The following MBNL3 variants were observed in gnomAD, a reference collection of about 807,000 sequenced individuals.
The protein encoded by MBNL3 is muscleblind like splicing regulator 3.
A neutral mutation model predicts 24.5 loss-of-function variants in MBNL3; 6 were observed. That is an observed-to-expected ratio of 0.25 (90% CI 0.13 to 0.48). The LOEUF (loss-of-function observed/expected upper bound fraction) is 0.48. Among genes scored for constraint, MBNL3 ranks in the 20% least tolerant of loss-of-function variants. MBNL3 has a pLI of 0.99. For missense variants in MBNL3, 230 were observed against 293.5 expected, an observed-to-expected ratio of 0.78 and a Z score of 1.58; for synonymous variants, 100 against 101.7, an observed-to-expected ratio of 0.98 and a Z score of 0.10.
At chrX:132,461,275 C>G (rs1360015800) in intron 1 of MBNL3, among the ~76,000 whole-genome samples, 1 of 111,234 alleles carries the variant, frequency 9.0e-6, no homozygotes, top group African/African-American at 3.3e-5. Flanking sequence ...AGTGAAGAGC[C>G]TTCTCACAGC....
intron 7 of MBNL3, among the ~76,000 whole-genome samples, chrX:132,382,764 G>A (rs940689313): frequency 8.9e-6 from 1 of 112,017 alleles, no homozygotes; most frequent in Non-Finnish European, 1.9e-5. Context: ...ATTTGCAGGT[G>A]CAAACAGGCA....
chrX:132,390,362 A>C (rs189058329), intron 5 of MBNL3, among the ~76,000 whole-genome samples: 35 of 108,617 alleles, frequency 3.2e-4, no homozygotes, highest in African/African-American at 1.2e-3. Flanking sequence ...TGTCCTTGAT[A>C]CTATGCCTCT....
intron 2 of MBNL3, among the ~76,000 whole-genome samples, chrX:132,412,188 T>G (rs1450207711): frequency 9.0e-6 from 1 of 111,224 alleles, no homozygotes; most frequent in Non-Finnish European, 1.9e-5. Context: ...CATGAATCCA[T>G]GAGACCCAGA....
chrX:132,386,896 C>G (rs947912988), intron 5 of MBNL3, 85 bp from the exon 6 acceptor site: 1 of 1,051,801 alleles, frequency 9.5e-7, no homozygotes, highest in South Asian at 2.0e-5. Context: ...AAGGTATTTC[C>G]TGGGAATCCT....
upstream of MBNL3, among the ~76,000 whole-genome samples, chrX:132,489,333 A>AG (rs1157732328): frequency 1.8e-5 from 2 of 111,011 alleles, no homozygotes; most frequent in African/African-American, 6.6e-5. Flanking sequence ...CTGTGGGAGG[A>AG]GGGGACAAGG....
chrX:132,424,449 A>G (rs1296542069), intron 2 of MBNL3, among the ~76,000 whole-genome samples: 1 of 111,457 alleles, frequency 9.0e-6, no homozygotes, highest in Non-Finnish European at 1.9e-5. Flanking sequence ...AATGAGGAAG[A>G]GCAAGTTCCA....
At chrX:132,386,577 T>C (rs1213904325) in intron 6 of MBNL3, 84 bp downstream of exon 6, 2 of 1,082,714 alleles carry the variant, frequency 1.8e-6, no homozygotes, top group African/African-American at 3.6e-5. Flanking sequence ...AGTCCTCCTA[T>C]ACAAGCTCTT....
intron 2 of MBNL3, chrX:132,411,463 C>T (rs1942728697): frequency 2.7e-6 from 2 of 740,719 alleles, no homozygotes; most frequent in Admixed American, 8.9e-5. Context: ...AGGGCTGAAT[C>T]GGATTGTAGG....
rs1025514536 is a variant in MBNL3, at chrX:132,372,244, A to C, written c.*7422T>G. On this transcript the variant is annotated 3_prime_UTR_variant, in exon 9 of 9. Transcript: ENST00000370853. Reference sequence around the variant, plus strand: ...TTTAAATATGTTACACATGGCTAATAATTTTCTTATATATATTTTTAATCG... The same window carrying C: ...TTTAAATATGTTACACATGGCTAATCATTTTCTTATATATATTTTTAATCG... 2 of 110,300 alleles carry C rather than the reference A, an allele frequency of 1.8e-5. No homozygotes were observed. Among genetic ancestry groups the C allele is most frequent in the African/African-American group, 3.3e-5 (1 of 30,529 alleles). The allele number at this position is 110,300 out of a possible 1,213,427, so 9.1% of individuals were successfully genotyped here. A position where few individuals can be genotyped will look rare whatever the true frequency, so the allele number is the denominator to read the frequency against.
At chrX:132,436,136 T>G (rs894000767) in intron 2 of MBNL3, among the ~76,000 whole-genome samples, 1 of 112,035 alleles carries the variant, frequency 8.9e-6, no homozygotes, top group African/African-American at 3.2e-5. Flanking sequence ...AGCGATACTT[T>G]GAAGAAAACT....
intron 1 of MBNL3, among the ~76,000 whole-genome samples, chrX:132,476,597 T>G (rs1947451294): frequency 8.9e-6 from 1 of 112,112 alleles, no homozygotes; most frequent in African/African-American, 3.2e-5. Context: ...CAAACTCACC[T>G]GTCAAAGGTC....
At chrX:132,382,594 T>A (rs1286750332) in intron 7 of MBNL3, among the ~76,000 whole-genome samples, 2 of 112,439 alleles carry the variant, frequency 1.8e-5, no homozygotes, top group African/African-American at 6.5e-5. Context: ...GAAGGGGCTA[T>A]AATGAATGCA....
intron 1 of MBNL3, among the ~76,000 whole-genome samples, chrX:132,453,198 T>C (rs1946197275): frequency 9.0e-6 from 1 of 111,175 alleles, no homozygotes; most frequent in Admixed American, 9.5e-5. Flanking sequence ...AAGGAGTATA[T>C]ATTTGTTATA....
chrX:132,418,321 A>G (rs1362078659), intron 2 of MBNL3, among the ~76,000 whole-genome samples: 1 of 112,074 alleles, frequency 8.9e-6, no homozygotes, highest in African/African-American at 3.2e-5. Flanking sequence ...TTGTGGATTT[A>G]CCACGTGCCA....
chrX:132,396,545 C>A lies in MBNL3; in HGVS notation c.343-4211G>T, dbSNP rs779929879. ...TCATATATATATTCATATATATATT[C>A]CTATATATTCCTATATATATTCCTA... On this transcript the variant is annotated intron_variant, in intron 3 of 8. Transcript: ENST00000370853. Among the ~76,000 whole-genome samples, 12 of 47,444 alleles carry A rather than the reference C, an allele frequency of 2.5e-4. No individual in the cohort carries two copies. In the East Asian group the frequency reaches 6.7e-3, roughly 27 times the overall value. The allele number at this position is 47,444 out of a possible 115,157, so 41.2% of individuals were successfully genotyped here.
chrX:132,407,668 A>T (rs1942041337), intron 2 of MBNL3, among the ~76,000 whole-genome samples: 3 of 111,802 alleles, frequency 2.7e-5, no homozygotes, highest in Admixed American at 1.9e-4. Context: ...TGTGTGCTAA[A>T]TCACAATAAT....
intron 1 of MBNL3, among the ~76,000 whole-genome samples, chrX:132,468,780 T>C (rs935820298): frequency 8.9e-6 from 1 of 112,143 alleles, no homozygotes; most frequent in Non-Finnish European, 1.9e-5. Context: ...CACTCTGTAC[T>C]GCCTCTAATG....
At chrX:132,382,940 A>G (rs1054839683) in intron 7 of MBNL3, among the ~76,000 whole-genome samples, 1 of 112,288 alleles carries the variant, frequency 8.9e-6, no homozygotes, top group Admixed American at 9.4e-5. Context: ...AAACAAATAC[A>G]TGGAGTACTT....
At chrX:132,406,138 A>T in intron 3 of MBNL3, 90 bp downstream of exon 3, 2 of 1,029,281 alleles carry the variant, frequency 1.9e-6, no homozygotes, top group Non-Finnish European at 2.7e-6. Flanking sequence ...TGTGTCCTAA[A>T]TCCTGTTGCA....
Sources: gnomAD v4.1 joint callset for allele counts (sites outside exome capture counted in the v4.1 genomes callset) on GRCh38, gnomAD v4.1.1 for gene constraint, MANE v1.5 for transcripts, NCBI Gene and HGNC (gene_info 2026-07-23, HGNC 2026-07-21) for gene names.